Variants in CSMD1 observed in about 807,000 individuals in gnomAD.
The protein encoded by CSMD1 is CUB and sushi domain-containing protein 1.
A neutral mutation model predicts 417.5 loss-of-function variants in CSMD1; 213 were observed. The ratio of observed to expected loss-of-function variants is 0.51; its 90% CI spans 0.46 to 0.57. CSMD1 has a LOEUF of 0.57. Among genes scored for constraint, CSMD1 ranks in the 20% least tolerant of loss-of-function variants. The pLI, the probability that CSMD1 is intolerant of heterozygous loss-of-function variation, is 0.00. For missense variants in CSMD1, 6,923 were observed against 4,529.7 expected, an observed-to-expected ratio of 1.53 and a Z score of -15.17; for synonymous variants, 2,862 against 1,736.8, an observed-to-expected ratio of 1.65 and a Z score of -16.11.
chr8:3,849,620 C>T (rs113853302), intron 5 of CSMD1, among the ~76,000 whole-genome samples: 1 of 152,112 alleles, frequency 6.6e-6, no homozygotes, highest in Non-Finnish European at 1.5e-5. Flanking sequence ...GGCCTGTCTG[C>T]TGGAGCCTAC....
intron 1 of CSMD1, among the ~76,000 whole-genome samples, chr8:4,858,424 G>A (rs1370228946): frequency 6.7e-6 from 1 of 149,568 alleles, no homozygotes. Flanking sequence ...GGGCAATTAG[G>A]CAGGAAAAGG....
At chr8:4,961,849 G>T (rs375346763) in intron 1 of CSMD1, among the ~76,000 whole-genome samples, 19 of 151,804 alleles carry the variant, frequency 1.3e-4, no homozygotes, top group African/African-American at 4.3e-4. Context: ...TCCACGTCTT[G>T]ATTTCACTTT....
chr8:3,139,070 G>C (rs983520846), intron 41 of CSMD1, among the ~76,000 whole-genome samples: 4 of 152,162 alleles, frequency 2.6e-5, no homozygotes, highest in Admixed American at 2.0e-4. Flanking sequence ...TGAGATGGGG[G>C]CACTGGAGGA....
At chr8:4,483,213 T>C (rs907694586) in intron 2 of CSMD1, among the ~76,000 whole-genome samples, 12 of 152,170 alleles carry the variant, frequency 7.9e-5, no homozygotes, top group Non-Finnish European at 5.9e-5. Flanking sequence ...CACCACCAAG[T>C]GAGAAGTGCC....
chr8:3,849,028 A>C (rs1803699895), intron 5 of CSMD1, among the ~76,000 whole-genome samples: 1 of 152,046 alleles, frequency 6.6e-6, no homozygotes, highest in Non-Finnish European at 1.5e-5. Flanking sequence ...TGCTCATATA[A>C]ACTTAAACTT....
At position 4,352,417 on chromosome 8, in the gene CSMD1, A is replaced by G. The variant is rs190259950; in HGVS notation, c.415+67536T>C. ...CCACAGAAAATGAGAACACCAGTAT[A>G]AATATTTCCTTTTCAACTCAAAAAA... On this transcript the variant is annotated intron_variant, in intron 3 of 69. Coordinates refer to ENST00000635120, the MANE Select transcript of CSMD1 (RefSeq NM_033225.6). Among the ~76,000 whole-genome samples, 46 of 152,374 alleles carry G rather than the reference A, an allele frequency of 3.0e-4. No individual in the cohort carries two copies. In the East Asian group the frequency reaches 8.3e-3, roughly 27 times the overall value.
intron 5 of CSMD1, among the ~76,000 whole-genome samples, chr8:3,785,987 G>C (rs1387032660): frequency 6.6e-6 from 1 of 152,202 alleles, no homozygotes; most frequent in African/African-American, 2.4e-5. Context: ...CAGGAGACCT[G>C]AGTACTTAGG....
intron 5 of CSMD1, among the ~76,000 whole-genome samples, chr8:3,864,637 G>A (rs1359365520): frequency 6.6e-6 from 1 of 152,014 alleles, no homozygotes; most frequent in South Asian, 2.1e-4. Flanking sequence ...TCCCACAACA[G>A]GCCCCGGTGT....
At chr8:3,936,157 T>C (rs1584995590) in intron 5 of CSMD1, among the ~76,000 whole-genome samples, 2 of 146,340 alleles carry the variant, frequency 1.4e-5, no homozygotes, top group East Asian at 2.0e-4. Flanking sequence ...AATTTGAAGA[T>C]ACCAGATGTC....
intron 2 of CSMD1, among the ~76,000 whole-genome samples, chr8:4,518,626 GGCGGGGGGAGGAATCGCATTAGGA>G (rs950161469): frequency 1.0e-4 from 14 of 134,040 alleles, no homozygotes; most frequent in Non-Finnish European, 2.1e-4. Flanking sequence ...TGGGGTGGGG[GGCGGGGGGAGGAATCGCATTAGGA>G]GATATACCTA....
At chr8:4,213,111 C>T (rs1800421540) in intron 3 of CSMD1, among the ~76,000 whole-genome samples, 2 of 152,112 alleles carry the variant, frequency 1.3e-5, no homozygotes, top group African/African-American at 4.8e-5. Flanking sequence ...CCCAGTGGAG[C>T]ATGCTTAGAC....
At chr8:3,706,328 T>A (rs187936934) in intron 7 of CSMD1, among the ~76,000 whole-genome samples, 3 of 152,354 alleles carry the variant, frequency 2.0e-5, no homozygotes, top group South Asian at 2.1e-4. Flanking sequence ...ATTGAATGCT[T>A]GCCTGTCGCT....
chr8:4,499,235 A>T (rs192444555), intron 2 of CSMD1, among the ~76,000 whole-genome samples: 4 of 152,216 alleles, frequency 2.6e-5, no homozygotes, highest in African/African-American at 9.7e-5. Context: ...AGTCTTAAAT[A>T]AATCTTGGGA....
Position 4,844,342 on chromosome 8 carries a change from G to C in CSMD1, c.85+149990C>G, listed in dbSNP as rs187442055. 1.5e-3 allele frequency among the ~76,000 whole-genome samples: 223 copies of C among 151,736 alleles called. 1 individual carries two copies. The highest frequency in any genetic ancestry group is 1.3e-3 in the Non-Finnish European group (91 of 67,914). On this transcript the variant is annotated intron_variant, in intron 1 of 69. Transcript: ENST00000635120. ...GTTATTGATACATTTTGTTTTTTTT[G>C]CAGAAAAGATCACTGGGAAAAACTC...
At chr8:2,991,306 T>C (rs577471126) in intron 54 of CSMD1, among the ~76,000 whole-genome samples, 2 of 152,348 alleles carry the variant, frequency 1.3e-5, no homozygotes, top group South Asian at 4.1e-4. Flanking sequence ...TATTTAAATT[T>C]CTGTAACAGG....
At chr8:4,128,129 A>T (rs1160109181) in intron 3 of CSMD1, among the ~76,000 whole-genome samples, 3 of 151,800 alleles carry the variant, frequency 2.0e-5, no homozygotes, top group Non-Finnish European at 4.4e-5. Context: ...TCAGGCCAGC[A>T]CTCCCACCCC....
At chr8:4,456,762 G>T (rs1242845380) in intron 2 of CSMD1, among the ~76,000 whole-genome samples, 1 of 152,080 alleles carries the variant, frequency 6.6e-6, no homozygotes, top group African/African-American at 2.4e-5. Context: ...ATCCTAGGGA[G>T]AAGACCCATC....
At chr8:3,359,115 C>T (rs1334597990) in intron 21 of CSMD1, 37 bp downstream of exon 21, 1 of 1,605,250 alleles carries the variant, frequency 6.2e-7, no homozygotes, top group African/African-American at 1.3e-5. Flanking sequence ...GACCCTGCCC[C>T]CATGGATGAA....
intron 8 of CSMD1, among the ~76,000 whole-genome samples, chr8:3,596,842 T>C (rs1370043277): frequency 1.3e-5 from 2 of 152,072 alleles, no homozygotes; most frequent in Non-Finnish European, 2.9e-5. Flanking sequence ...CAAAAGCATG[T>C]TTACAAGACA....
Sources: gnomAD v4.1 joint callset for allele counts (sites outside exome capture counted in the v4.1 genomes callset) on GRCh38, gnomAD v4.1.1 for gene constraint, MANE v1.5 for transcripts, NCBI Gene and HGNC (gene_info 2026-07-23, HGNC 2026-07-21) for gene names.